Variants in SCTR observed in about 807,000 individuals in gnomAD.
SCTR encodes the protein pancreatic secretin receptor.
Under a neutral mutation model 60.8 loss-of-function variants are expected in SCTR, and 56 were observed. The observed-to-expected ratio is 0.92, with a 90% CI of 0.74 to 1.15. The LOEUF is 1.15. SCTR is among the 50% of genes most tolerant of loss of function. The pLI is 0.00. For missense variants in SCTR, 562 were observed against 550.4 expected (o/e 1.02, Z -0.21); for synonymous variants, 202 against 217.0 (o/e 0.93, Z 0.61).
At chr2:119,456,066 T>TC (rs1683365183) in intron 7 of SCTR, among the ~76,000 whole-genome samples, 1 of 147,784 alleles carries the variant, frequency 6.8e-6, no homozygotes, top group East Asian at 1.9e-4. Flanking sequence ...TTCAACTTTT[T>TC]TTTTTTTTTT....
At chr2:119,482,997 G>T (rs1046070661) in intron 2 of SCTR, among the ~76,000 whole-genome samples, 31 of 152,386 alleles carry the variant, frequency 2.0e-4, no homozygotes, top group Non-Finnish European at 3.7e-4. Flanking sequence ...ATGGAAAAAG[G>T]CAGGAGCCTT....
chr2:119,440,639 CAG>C (rs1298006500), intron 12 of SCTR, among the ~76,000 whole-genome samples: 2 of 152,170 alleles, frequency 1.3e-5, no homozygotes, highest in Non-Finnish European at 2.9e-5. Flanking sequence ...GGGGCACTGA[CAG>C]GGGCTACTGG....
At chr2:119,506,758 G>T (rs1327068110) in intron 1 of SCTR, among the ~76,000 whole-genome samples, 1 of 152,054 alleles carries the variant, frequency 6.6e-6, no homozygotes, top group African/African-American at 2.4e-5. Context: ...TTACAGACAC[G>T]AGCCACCATG....
intron 3 of SCTR, among the ~76,000 whole-genome samples, chr2:119,475,401 G>A (rs753773594): frequency 8.5e-4 from 130 of 152,140 alleles, no homozygotes; most frequent in Non-Finnish European, 1.4e-3. Flanking sequence ...GACACAGCAG[G>A]ACTCCCAAGA....
At chr2:119,510,567 A>T (rs1022361802) in intron 1 of SCTR, among the ~76,000 whole-genome samples, 1 of 152,210 alleles carries the variant, frequency 6.6e-6, no homozygotes. Flanking sequence ...AGCTATATGC[A>T]TGTGTATATG....
At chr2:119,520,637 C>T (rs1415084759) in intron 1 of SCTR, among the ~76,000 whole-genome samples, 19 of 152,096 alleles carry the variant, frequency 1.2e-4, no homozygotes, top group Non-Finnish European at 2.4e-4. Flanking sequence ...AGAGCCTGTA[C>T]TTGGAATTTT....
chr2:119,489,850 T>C (rs932366640), intron 2 of SCTR, among the ~76,000 whole-genome samples: 2 of 152,206 alleles, frequency 1.3e-5, no homozygotes, highest in African/African-American at 4.8e-5. Context: ...CTGGAACCAC[T>C]GGAGAACAGT....
chr2:119,441,575 A>G lies in SCTR; in HGVS notation c.1165T>C (p.Cys389Arg). Residue 389 changes from cysteine to arginine, a missense_variant, in exon 12 of 13, where the codon TGC becomes CGC. Physicochemically the swap from Cys to Arg is radical, Grantham distance 180. Transcript: ENST00000019103. ...FQGLVVAVLY[C>R]FLNGEVQLEV... ...CTACTCACCTCCCCATTGAGGAAGC[A>G]GTAGAGGACGGCCACCACCAGTCCC... is the stretch of plus-strand genomic sequence containing the variant. 6.2e-7 allele frequency: 1 copy of G among 1,613,190 alleles called. No individual in the cohort carries two copies. The highest frequency in any genetic ancestry group is 1.3e-5 in the African/African-American group (1 of 75,038).
Position 119,524,176 on chromosome 2 carries a change from C to G in SCTR, c.51G>C (p.Leu17=). The change falls in exon 1 of 13, where the codon CTG becomes CTC. Residue 17 remains leucine (L), a synonymous_variant. Coordinates refer to ENST00000019103, the MANE Select transcript of SCTR (RefSeq NM_002980.3). ...PPLQQLLLPV[L]LACAAHSTGA... is the part of the protein sequence containing the mutation. ...TCACCGAGTGCGCGGCGCAGGCGAG[C>G]AGCACCGGCAGTAGTAGCTGCTGCA... 1 of 1,532,640 alleles carries G rather than the reference C, an allele frequency of 6.5e-7. No individual in the cohort carries two copies. 94.9% of individuals were successfully genotyped at this position (1,532,640 alleles called of 1,614,324 possible). A position where few individuals can be genotyped will look rare whatever the true frequency, so the allele number is the denominator to read the frequency against.
At chr2:119,440,494 G>A (rs577469620) in intron 12 of SCTR, among the ~76,000 whole-genome samples, 3 of 152,222 alleles carry the variant, frequency 2.0e-5, no homozygotes, top group Non-Finnish European at 4.4e-5. Flanking sequence ...CTTAAAGAAA[G>A]GACTTGTGCA....
rs797004076 is a variant in SCTR, at chr2:119,522,301, G to GAAA, written c.72+1851_72+1853dup. On this transcript the variant is annotated intron_variant, in intron 1 of 12. Coordinates refer to ENST00000019103, the MANE Select transcript of SCTR (RefSeq NM_002980.3). ...ACAAGAGTGAAACTCTGTCTCAAAA[G>GAAA]AAAAAAAAAAAAGAAAAAGAAAAAG... Among the ~76,000 whole-genome samples, 146 of 123,782 alleles carry GAAA rather than the reference G, an allele frequency of 1.2e-3. 1 individual carries two copies. The highest frequency in any genetic ancestry group is 9.2e-3 in the Admixed American group (114 of 12,410). The allele number at this position is 123,782 out of a possible 152,430, so 81.2% of individuals were successfully genotyped here.
At chr2:119,479,008 C>G (rs1436858830) in intron 2 of SCTR, 90 bp from the exon 3 acceptor site, 1 of 1,561,566 alleles carries the variant, frequency 6.4e-7, no homozygotes, top group East Asian at 2.3e-5. Context: ...CCTTGCCTGC[C>G]TGGAATTCCC....
intron 1 of SCTR, among the ~76,000 whole-genome samples, chr2:119,504,723 G>C (rs1678673500): frequency 6.6e-6 from 1 of 152,108 alleles, no homozygotes; most frequent in Non-Finnish European, 1.5e-5. Flanking sequence ...TGACAAATTA[G>C]ACACAATAAA....
intron 1 of SCTR, among the ~76,000 whole-genome samples, chr2:119,513,540 C>T (rs1244171793): frequency 1.3e-5 from 2 of 152,060 alleles, no homozygotes; most frequent in South Asian, 2.1e-4. Context: ...GGTTTCAGAG[C>T]CTGAGTCTAA....
At position 119,524,455 on chromosome 2, in the gene SCTR, C is replaced by G. The variant is rs1344994478; in HGVS notation, c.-229G>C. 9 of 355,686 alleles carry G rather than the reference C, an allele frequency of 2.5e-5. No individual in the cohort carries two copies. The highest frequency in any genetic ancestry group is 3.0e-5 in the Non-Finnish European group (6 of 199,358). 22.0% of individuals were successfully genotyped at this position (355,686 alleles called of 1,614,324 possible). On this transcript the variant is annotated 5_prime_UTR_variant, in exon 1 of 13. Transcript: ENST00000019103. ...CCCATTGATCAGGACGCGGCTTTGC[C>G]GGCGCGCCTCCTCCACCCGGCAGGG... is the stretch of plus-strand genomic sequence containing the variant.
At chr2:119,468,162 C>A (rs1002916163) in intron 4 of SCTR, among the ~76,000 whole-genome samples, 3 of 152,058 alleles carry the variant, frequency 2.0e-5, no homozygotes, top group African/African-American at 7.2e-5. Flanking sequence ...TTGTTATTTT[C>A]TTTTATAATT....
chr2:119,522,301 GA>G lies in SCTR; in HGVS notation c.72+1853del, dbSNP rs797004076. Among the ~76,000 whole-genome samples the G allele has an allele frequency of 2.6e-3, 318 of 123,604 alleles. 3 individuals carry two copies. The highest frequency in any genetic ancestry group is 3.4e-3 in the Non-Finnish European group (193 of 56,604). The allele number at this position is 123,604 out of a possible 152,430, so 81.1% of individuals were successfully genotyped here. A position where few individuals can be genotyped will look rare whatever the true frequency, so the allele number is the denominator to read the frequency against. ...ACAAGAGTGAAACTCTGTCTCAAAA[GA>G]AAAAAAAAAAAGAAAAAGAAAAAGG... is the stretch of plus-strand genomic sequence containing the variant. On this transcript the variant is annotated intron_variant, in intron 1 of 12. Transcript: ENST00000019103.
intron 3 of SCTR, among the ~76,000 whole-genome samples, chr2:119,474,456 C>T (rs534911917): frequency 2.0e-5 from 3 of 152,284 alleles, no homozygotes; most frequent in East Asian, 1.9e-4. Flanking sequence ...TGAATGGCCT[C>T]GCTGAATTCT....
chr2:119,478,781 T>C (rs1244653728), intron 3 of SCTR, 30 bp downstream of exon 3: 8 of 1,611,012 alleles, frequency 5.0e-6, no homozygotes, highest in Non-Finnish European at 5.1e-6. Flanking sequence ...CCTCAGCCTG[T>C]CCGCCAGGCC....
Sources: allele counts gnomAD v4.1 joint callset (sites outside exome capture counted in the v4.1 genomes callset), GRCh38; gene constraint gnomAD v4.1.1; transcripts MANE v1.5; gene names NCBI Gene and HGNC (gene_info 2026-07-23, HGNC 2026-07-21).